Variants in LRP1B observed in about 807,000 individuals in gnomAD.
LRP1B encodes LDL receptor related protein 1B, also known as low-density lipoprotein receptor-related protein 1B.
Under a neutral mutation model 556.6 loss-of-function variants are expected in LRP1B, and 217 were observed. The ratio of observed to expected loss-of-function variants is 0.39; its 90% CI spans 0.35 to 0.44. LRP1B has a LOEUF of 0.44. Ranked by LOEUF, LRP1B falls within the 20% of genes least tolerant of loss-of-function variation. The probability of loss-of-function intolerance (pLI) is 1.00; values close to 1 mark genes in which losing one functional copy is unlikely to be tolerated. For missense variants in LRP1B, 5,053 were observed against 5,620.8 expected (o/e 0.90, Z 3.23); for synonymous variants, 2,047 against 1,865.8 (o/e 1.10, Z -2.50).
chr2:141,423,936 G>T (rs953105669), intron 3 of LRP1B, among the ~76,000 whole-genome samples: 2 of 151,542 alleles, frequency 1.3e-5, no homozygotes, highest in Non-Finnish European at 2.9e-5. Context: ...ACATTTACTT[G>T]CTGTGTGTCT....
intron 7 of LRP1B, among the ~76,000 whole-genome samples, chr2:141,090,974 T>C (rs1184380684): frequency 6.6e-6 from 1 of 152,234 alleles, no homozygotes; most frequent in African/African-American, 2.4e-5. Context: ...GTATTATTTC[T>C]AGTTTCTGAT....
intron 2 of LRP1B, among the ~76,000 whole-genome samples, chr2:141,663,204 T>G (rs113088882): frequency 5.3e-5 from 8 of 152,214 alleles, no homozygotes; most frequent in African/African-American, 1.9e-4. Context: ...AGAGGGAAAT[T>G]TATGGCATTA....
chr2:141,563,917 T>C (rs765913985), intron 2 of LRP1B, among the ~76,000 whole-genome samples: 1 of 152,140 alleles, frequency 6.6e-6, no homozygotes, highest in East Asian at 1.9e-4. Flanking sequence ...TTGGGTACTA[T>C]GCTAACTATC....
chr2:141,914,325 G>A (rs1699978008), intron 1 of LRP1B, among the ~76,000 whole-genome samples: 1 of 152,170 alleles, frequency 6.6e-6, no homozygotes, highest in South Asian at 2.1e-4. Context: ...AGAACTAATT[G>A]GAAATATTGA....
chr2:141,237,022 T>G (rs1262224982), intron 5 of LRP1B, among the ~76,000 whole-genome samples: 1 of 152,202 alleles, frequency 6.6e-6, no homozygotes, highest in Non-Finnish European at 1.5e-5. Flanking sequence ...TCTGAATTAC[T>G]GAACACAGAA....
intron 3 of LRP1B, among the ~76,000 whole-genome samples, chr2:141,373,344 AAATGTTT>A (rs1452049809): frequency 2.0e-5 from 3 of 152,096 alleles, no homozygotes; most frequent in Non-Finnish European, 4.4e-5. Context: ...ACTGTTCTGT[AAATGTTT>A]AAGTCCATTC....
chr2:141,341,570 G>A, intron 3 of LRP1B, among the ~76,000 whole-genome samples: 1 of 152,146 alleles, frequency 6.6e-6, no homozygotes, highest in South Asian at 2.1e-4. Flanking sequence ...AGTGGAAACT[G>A]GCCAGATGTT....
intron 2 of LRP1B, among the ~76,000 whole-genome samples, chr2:141,545,498 A>G (rs1559132469): frequency 6.6e-6 from 1 of 152,138 alleles, no homozygotes; most frequent in Non-Finnish European, 1.5e-5. Flanking sequence ...TTGAGATGAA[A>G]AGATAATTCT....
chr2:140,958,640 C>T (rs942998579), intron 18 of LRP1B, among the ~76,000 whole-genome samples: 2 of 151,360 alleles, frequency 1.3e-5, no homozygotes, highest in Non-Finnish European at 3.0e-5. Flanking sequence ...CTTAAAATGT[C>T]CCAGAATTTA....
At chr2:140,578,840 TA>T (rs67860659) in intron 43 of LRP1B, among the ~76,000 whole-genome samples, 4,612 of 152,308 alleles carry the variant, frequency 0.03, 78 homozygotes, top group Middle Eastern at 0.065. Context: ...TTTACTTAAT[TA>T]ATCTTGTTTA....
intron 7 of LRP1B, among the ~76,000 whole-genome samples, chr2:141,118,962 GAA>G (rs1466672379): frequency 1.3e-5 from 2 of 151,730 alleles, no homozygotes; most frequent in Non-Finnish European, 3.0e-5. Context: ...TTAAAACAAA[GAA>G]AAAAGTCTGC....
chr2:142,097,846 G>A (rs1342029766), intron 1 of LRP1B, among the ~76,000 whole-genome samples: 1 of 151,562 alleles, frequency 6.6e-6, no homozygotes, highest in African/African-American at 2.4e-5. Context: ...AGTAAGACAT[G>A]GTGTACACAT....
chr2:141,695,373 C>A (rs1358111268), intron 2 of LRP1B, among the ~76,000 whole-genome samples: 1 of 151,920 alleles, frequency 6.6e-6, no homozygotes, highest in East Asian at 1.9e-4. Context: ...TATGCCTGAC[C>A]TACTTTAAAA....
chr2:141,793,283 A>G (rs1695683382), intron 2 of LRP1B, among the ~76,000 whole-genome samples: 1 of 151,980 alleles, frequency 6.6e-6, no homozygotes, highest in Admixed American at 6.6e-5. Flanking sequence ...TCAAATGACA[A>G]TGGGTTTTAT....
chr2:140,847,731 C>T (rs531479739), intron 29 of LRP1B, among the ~76,000 whole-genome samples: 1 of 149,882 alleles, frequency 6.7e-6, no homozygotes, highest in African/African-American at 2.5e-5. Context: ...AGCACCACTG[C>T]ACTCCAGCCT....
intron 20 of LRP1B, among the ~76,000 whole-genome samples, chr2:140,924,303 T>C (rs1694824401): frequency 6.6e-6 from 1 of 152,056 alleles, no homozygotes; most frequent in African/African-American, 2.4e-5. Flanking sequence ...TCAGTGAGAA[T>C]GCATCAACAG....
rs920841420 is a variant in LRP1B, at chr2:140,940,427, C to G, written c.3136+9808G>C. ...ATATTTAATAGATGTGATGTATATC[C>G]AGACTCTCCTTATTTTACTATTCTG... On this transcript the variant is annotated intron_variant, in intron 20 of 90. Coordinates refer to ENST00000389484, the MANE Select transcript of LRP1B (RefSeq NM_018557.3). Among the ~76,000 whole-genome samples, 14 of 151,980 alleles carry G rather than the reference C, an allele frequency of 9.2e-5. 1 individual carries two copies. Among genetic ancestry groups the G allele is most frequent in the African/African-American group, 3.4e-4 (14 of 41,386 alleles).
intron 3 of LRP1B, among the ~76,000 whole-genome samples, chr2:141,325,967 C>T (rs571893081): frequency 5.4e-4 from 82 of 152,056 alleles, no homozygotes; most frequent in Non-Finnish European, 1.1e-3. Flanking sequence ...AAAACCCAAA[C>T]TTTTTAAAAC....
chr2:141,429,094 A>G (rs1680475560), intron 3 of LRP1B, among the ~76,000 whole-genome samples: 1 of 152,164 alleles, frequency 6.6e-6, no homozygotes, highest in Admixed American at 6.5e-5. Context: ...GTATTTGAGA[A>G]TAATTATTGG....
Sources: gnomAD v4.1 joint callset for allele counts (sites outside exome capture counted in the v4.1 genomes callset) on GRCh38, gnomAD v4.1.1 for gene constraint, MANE v1.5 for transcripts, NCBI Gene and HGNC (gene_info 2026-07-23, HGNC 2026-07-21) for gene names.